The following SLC7A5 variants were observed in gnomAD, a reference collection of about 807,000 sequenced individuals.
SLC7A5 encodes the protein solute carrier family 7 member 5, also known as large neutral amino acids transporter small subunit 1.
SLC7A5 carries 23 observed loss-of-function variants against 50.2 expected under a neutral mutation model. The ratio of observed to expected loss-of-function variants is 0.46; its 90% CI spans 0.33 to 0.65. The LOEUF (loss-of-function observed/expected upper bound fraction) is 0.65, where lower values mean the gene tolerates loss of function less well. Ranked by LOEUF, SLC7A5 falls within the 30% of genes least tolerant of loss-of-function variation. SLC7A5 has a pLI of 0.02. For missense variants in SLC7A5, 578 were observed against 684.4 expected, an observed-to-expected ratio of 0.84 and a Z score of 1.73; for synonymous variants, 393 against 330.6, an observed-to-expected ratio of 1.19 and a Z score of -2.05.
chr16:87,856,721 C>T (rs2055326390), intron 1 of SLC7A5, among the ~76,000 whole-genome samples: 2 of 152,200 alleles, frequency 1.3e-5, no homozygotes, highest in African/African-American at 4.8e-5. Context: ...AGAACCAGTA[C>T]CTTCCTCCCT....
rs560229419 is a variant in SLC7A5, at chr16:87,830,196, G to C, written c.*2774C>G. 1 of 152,250 alleles carries C rather than the reference G, an allele frequency of 6.6e-6. No homozygotes were observed. Among genetic ancestry groups the C allele is most frequent in the Admixed American group, 6.5e-5 (1 of 15,288 alleles). 9.4% of individuals were successfully genotyped at this position (152,250 alleles called of 1,614,324 possible). ...AGCCTGGTCGGCCGACGTCACAGTG[G>C]ATGGCCCTGCGTGGCTGGGACACAG... On this transcript the variant is annotated 3_prime_UTR_variant, in exon 10 of 10. Coordinates refer to ENST00000261622, the MANE Select transcript of SLC7A5 (RefSeq NM_003486.7).
At chr16:87,836,395 C>T in intron 8 of SLC7A5, 103 bp downstream of exon 8, 1 of 1,368,072 alleles carries the variant, frequency 7.3e-7, no homozygotes, top group Non-Finnish European at 1.0e-6. Context: ...GGGGCAGGTC[C>T]AGAGGCTGAG....
intron 2 of SLC7A5, among the ~76,000 whole-genome samples, chr16:87,851,466 C>G (rs2055221581): frequency 6.6e-6 from 1 of 152,210 alleles, no homozygotes; most frequent in Non-Finnish European, 1.5e-5. Context: ...GATTCACAGA[C>G]ATCGCAGCGT....
chr16:87,843,347 CTTTTTTTTTTTTTTTTTTTTTTTTT>C (rs60307560), intron 2 of SLC7A5, among the ~76,000 whole-genome samples: 7 of 63,258 alleles, frequency 1.1e-4, no homozygotes, highest in African/African-American at 3.9e-4. Context: ...GCCTGAGTAA[CTTTTTTTTTTTTTTTTTTTTTTTTT>C]TTTTTTTTTT....
At chr16:87,859,961 A>C (rs2055369538) in intron 1 of SLC7A5, among the ~76,000 whole-genome samples, 1 of 151,750 alleles carries the variant, frequency 6.6e-6, no homozygotes, top group African/African-American at 2.4e-5. Context: ...TCGTCTCCAC[A>C]ACCTCCTGTC....
At chr16:87,863,956 A>T (rs182338950) in intron 1 of SLC7A5, among the ~76,000 whole-genome samples, 1 of 121,588 alleles carries the variant, frequency 8.2e-6, no homozygotes, top group African/African-American at 2.9e-5. Context: ...AGAAAATTCC[A>T]GAACCCAACC....
At chr16:87,859,205 G>A (rs1320840442) in intron 1 of SLC7A5, among the ~76,000 whole-genome samples, 1 of 152,242 alleles carries the variant, frequency 6.6e-6, no homozygotes, top group Non-Finnish European at 1.5e-5. Flanking sequence ...GGGACTCAGA[G>A]CTCCAGGGAC....
intron 2 of SLC7A5, among the ~76,000 whole-genome samples, chr16:87,849,373 C>A (rs1160131416): frequency 6.6e-6 from 1 of 152,194 alleles, no homozygotes; most frequent in African/African-American, 2.4e-5. Context: ...TGCACTGTAT[C>A]CCAAAGCTCA....
In SLC7A5 at chr16:87,852,715, C is replaced by A. The variant is rs546498526; in HGVS notation, c.539-866G>T. Among the ~76,000 whole-genome samples the A allele has an allele frequency of 4.1e-5, 6 of 146,212 alleles. No homozygotes were observed. The East Asian group carries it at 8.5e-4, about 21-fold the overall frequency. ...GGGGTTCTGTTGCAATATATAGGCA[C>A]GCTGAGCCACTGTGTGTGTGTGCGT... is the stretch of plus-strand genomic sequence containing the variant. On this transcript the variant is annotated intron_variant, in intron 1 of 9. Transcript: ENST00000261622. The surrounding 1 kb of genome is among the most constrained non-coding windows in gnomAD (Gnocchi z 4.5).
chr16:87,836,855 G>A (rs1411393536), intron 7 of SLC7A5: 8 of 572,662 alleles, frequency 1.4e-5, no homozygotes, highest in African/African-American at 5.7e-5. Flanking sequence ...GGGAAGAGGC[G>A]GGGAGGAGGG....
chr16:87,836,871 G>C (rs926474961), intron 7 of SLC7A5: 1 of 556,554 alleles, frequency 1.8e-6, no homozygotes, highest in African/African-American at 1.9e-5. Flanking sequence ...GAGGGAAGGA[G>C]GGAGGAGAGG....
rs2055030830 is a variant in SLC7A5, at chr16:87,837,920, C to T, written c.1065G>A (p.Arg355=). Residue 355 remains arginine (R), a synonymous_variant, in exon 7 of 10, where the codon CGG becomes CGA. Transcript: ENST00000261622. The part of the protein sequence containing the change: ...TSSRLFFVGS[R]EGHLPSILSM... ...AGAGGATGGAGGGCAGGTGGCCTTC[C>T]CGGGACCCCACGAAGAAGAGCCTGT... 1 of 1,606,662 alleles carries T rather than the reference C, an allele frequency of 6.2e-7. No individual in the cohort carries two copies. The highest frequency in any genetic ancestry group is 8.5e-7 in the Non-Finnish European group (1 of 1,177,734).
chr16:87,852,638 CTGTGTGTGTGTGTGTGTGTGTGTG>C lies in SLC7A5; in HGVS notation c.539-813_539-790del, dbSNP rs61164920. 2.6e-5 allele frequency among the ~76,000 whole-genome samples: 3 copies of C among 116,796 alleles called. No individual in the cohort carries two copies. Among genetic ancestry groups the C allele is most frequent in the African/African-American group, 6.5e-5 (2 of 30,614 alleles). The allele number at this position is 116,796 out of a possible 152,430, so 76.6% of individuals were successfully genotyped here. A position where few individuals can be genotyped will look rare whatever the true frequency, so the allele number is the denominator to read the frequency against. ...CTGTAAGGCACCCAGCTCTGAGCCT[CTGTGTGTGTGTGTGTGTGTGTGTG>C]TGTGTGTGTGTGTGTGTGTGTGTGT... On this transcript the variant is annotated intron_variant, in intron 1 of 9. Coordinates refer to ENST00000261622, the MANE Select transcript of SLC7A5 (RefSeq NM_003486.7). The surrounding 1 kb of genome is among the most constrained non-coding windows in gnomAD (Gnocchi z 4.5).
intron 2 of SLC7A5, among the ~76,000 whole-genome samples, chr16:87,847,046 A>G (rs1223714997): frequency 6.6e-6 from 1 of 152,148 alleles, no homozygotes; most frequent in African/African-American, 2.4e-5. Flanking sequence ...AGAAGCCCAC[A>G]GTCCTGATCT....
chr16:87,846,645 G>A (rs2055157924), intron 2 of SLC7A5, among the ~76,000 whole-genome samples: 1 of 152,184 alleles, frequency 6.6e-6, no homozygotes, highest in South Asian at 2.1e-4. Flanking sequence ...GAGCCAGGAG[G>A]CCGAGCACCC....
chr16:87,854,962 A>T (rs1037366375), intron 1 of SLC7A5, among the ~76,000 whole-genome samples: 1 of 152,222 alleles, frequency 6.6e-6, no homozygotes, highest in African/African-American at 2.4e-5. Flanking sequence ...TCGGGTGGGC[A>T]TTGACAGCAA....
Position 87,867,070 on chromosome 16 carries a change from C to T in SLC7A5, c.538+1815G>A, listed in dbSNP as rs1319082371. On this transcript the variant is annotated intron_variant, in intron 1 of 9. Transcript: ENST00000261622. ...AAGCAGCTGGGATTACAGGCGTGAGCCACTCTGCCCGGCTAATTTTTGTAT... is the reference window on the plus strand; with the variant it reads ...AAGCAGCTGGGATTACAGGCGTGAGTCACTCTGCCCGGCTAATTTTTGTAT... Among the ~76,000 whole-genome samples the T allele has an allele frequency of 5.9e-5, 9 of 151,928 alleles. 1 individual carries two copies. The highest frequency in any genetic ancestry group is 5.2e-4 in the Admixed American group (8 of 15,264).
At chr16:87,844,637 G>C (rs1281081947) in intron 2 of SLC7A5, among the ~76,000 whole-genome samples, 1 of 152,254 alleles carries the variant, frequency 6.6e-6, no homozygotes, top group Non-Finnish European at 1.5e-5. Context: ...CTGGAGAGAA[G>C]AGCCTGCCCA....
Position 87,850,513 on chromosome 16 carries a change from C to T in SLC7A5, c.664+1211G>A, listed in dbSNP as rs111452279. 9.2e-5 allele frequency among the ~76,000 whole-genome samples: 14 copies of T among 152,364 alleles called. 1 individual carries two copies. Among genetic ancestry groups the T allele is most frequent in the African/African-American group, 3.4e-4 (14 of 41,576 alleles). On this transcript the variant is annotated intron_variant, in intron 2 of 9. Coordinates refer to ENST00000261622, the MANE Select transcript of SLC7A5 (RefSeq NM_003486.7). ...ACTGCGAGTCACCAGAGCGTGCATCCGCCGGGTGCCTGCACTCAGCGAAAG... is the reference window on the plus strand; with the variant it reads ...ACTGCGAGTCACCAGAGCGTGCATCTGCCGGGTGCCTGCACTCAGCGAAAG...
Sources: allele counts gnomAD v4.1 joint callset (sites outside exome capture counted in the v4.1 genomes callset), GRCh38; gene constraint gnomAD v4.1.1; non-coding constraint Gnocchi (gnomAD v3.1); transcripts MANE v1.5; gene names NCBI Gene and HGNC (gene_info 2026-07-23, HGNC 2026-07-21).